IFT57: variants seen among roughly 807,000 people sequenced by gnomAD.
IFT57 encodes the protein intraflagellar transport 57.
A neutral mutation model predicts 56.8 loss-of-function variants in IFT57; 59 were observed. That is an observed-to-expected ratio of 1.04 (90% CI 0.84 to 1.29). The LOEUF (loss-of-function observed/expected upper bound fraction) is 1.29. IFT57 is among the 50% of genes most tolerant of loss of function. The pLI is 0.00. For missense variants in IFT57, 470 were observed against 522.1 expected (o/e 0.90, Z 0.97); for synonymous variants, 209 against 186.1 (o/e 1.12, Z -1.00).
intron 6 of IFT57, among the ~76,000 whole-genome samples, chr3:108,185,672 C>T (rs1477868077): frequency 6.7e-6 from 1 of 150,292 alleles, no homozygotes; most frequent in Admixed American, 6.7e-5. Flanking sequence ...GATTCTCCTG[C>T]CAGCACTAGG....
At chr3:108,170,033 G>A (rs1056072223) in intron 6 of IFT57, among the ~76,000 whole-genome samples, 8 of 151,938 alleles carry the variant, frequency 5.3e-5, no homozygotes, top group African/African-American at 1.7e-4. Context: ...CAAACCCATA[G>A]CCAATATCAT....
At chr3:108,221,918 A>T (rs2080408208) in intron 1 of IFT57, 193 bp downstream of exon 1, 1 of 1,164,172 alleles carries the variant, frequency 8.6e-7, no homozygotes, top group Non-Finnish European at 1.2e-6. Flanking sequence ...CTCTCTACAA[A>T]AATACCAAGT....
intron 6 of IFT57, among the ~76,000 whole-genome samples, chr3:108,184,560 GCACA>G (rs1014414326): frequency 3.3e-5 from 5 of 152,036 alleles, no homozygotes; most frequent in Non-Finnish European, 4.4e-5. Context: ...CAAAATTTAT[GCACA>G]CAAACACAGA....
chr3:108,219,551 G>A lies in IFT57; in HGVS notation c.234C>T (p.Thr78=). 6.2e-7 allele frequency: 1 copy of A among 1,613,916 alleles called. No individual in the cohort carries two copies. The highest frequency in any genetic ancestry group is 8.5e-7 in the Non-Finnish European group (1 of 1,179,844). ...ACATGTAGAACTGTTCGCCAGGGTT[G>A]GTAGGCAGTGCAAAATAGTGTCTGT... ...APSRHYFALP[T]NPGEQFYMFC... is the part of the protein sequence containing the mutation. The change falls in exon 2 of 11, where the codon ACC becomes ACT. Residue 78 remains threonine, a synonymous_variant. Transcript: ENST00000264538.
At position 108,161,890 on chromosome 3, in the gene IFT57, T is replaced by C. The variant is rs1231655607; in HGVS notation, c.*587A>G. 1 of 152,208 alleles carries C rather than the reference T, an allele frequency of 6.6e-6. No homozygotes were observed. Among genetic ancestry groups the C allele is most frequent in the Non-Finnish European group, 1.5e-5 (1 of 68,040 alleles). The allele number at this position is 152,208 out of a possible 1,614,324, so 9.4% of individuals were successfully genotyped here. ...TCCTTTTATTTAGTGGCTTAGATCC[T>C]AGAAGATAGATTCCCTATAAAATCA... On this transcript the variant is annotated 3_prime_UTR_variant, in exon 11 of 11. Coordinates refer to ENST00000264538, the MANE Select transcript of IFT57 (RefSeq NM_018010.4).
At chr3:108,164,050 T>G (rs1200804744) in intron 9 of IFT57, among the ~76,000 whole-genome samples, 1 of 152,054 alleles carries the variant, frequency 6.6e-6, no homozygotes, top group Non-Finnish European at 1.5e-5. Flanking sequence ...GCATATACTT[T>G]GAAATTCTCT....
chr3:108,168,806 C>T (rs2080076262), intron 6 of IFT57, among the ~76,000 whole-genome samples: 1 of 151,958 alleles, frequency 6.6e-6, no homozygotes, highest in Non-Finnish European at 1.5e-5. Context: ...CATCCATGTC[C>T]CTGCAAAGGA....
intron 5 of IFT57, among the ~76,000 whole-genome samples, chr3:108,197,128 T>C (rs1031796123): frequency 1.2e-4 from 19 of 152,198 alleles, no homozygotes; most frequent in African/African-American, 4.6e-4. Context: ...AATTCCATTT[T>C]CCAGTTACTG....
intron 6 of IFT57, among the ~76,000 whole-genome samples, chr3:108,170,925 G>C (rs537574406): frequency 6.6e-6 from 1 of 151,984 alleles, no homozygotes; most frequent in African/African-American, 2.4e-5. Context: ...TTAATACAAA[G>C]TAATAATTTT....
chr3:108,166,766 C>A, intron 8 of IFT57, 88 bp downstream of exon 8: 1 of 1,108,632 alleles, frequency 9.0e-7, no homozygotes, highest in Non-Finnish European at 1.2e-6. Flanking sequence ...AAAAGCATTT[C>A]ATGATTCTCA....
intron 5 of IFT57, among the ~76,000 whole-genome samples, chr3:108,194,622 G>C (rs991092997): frequency 2.0e-5 from 3 of 152,098 alleles, no homozygotes; most frequent in Non-Finnish European, 4.4e-5. Context: ...AAACAGCATG[G>C]TTCTGGCATA....
At position 108,194,741 on chromosome 3, in the gene IFT57, AGGACAG is replaced by A. The variant is rs2080234417; in HGVS notation, c.655-3104_655-3099del. Among the ~76,000 whole-genome samples, 3 of 152,218 alleles carry A rather than the reference AGGACAG, an allele frequency of 2.0e-5. No individual in the cohort carries two copies. The South Asian group carries it at 6.2e-4, about 31-fold the overall frequency. On this transcript the variant is annotated intron_variant, in intron 5 of 10. Coordinates refer to ENST00000264538, the MANE Select transcript of IFT57 (RefSeq NM_018010.4). ...AACACCAAGAACATACATTGTGGAA[AGGACAG>A]TCTCTTCAATACATGGTGCTGGAAA... is the stretch of plus-strand genomic sequence containing the variant.
chr3:108,162,620 G>A lies in IFT57; in HGVS notation c.1147C>T (p.Leu383=). ...LVKIKQSLTK[L]KQETVEMDIR... is the part of the protein sequence containing the mutation. ...TCCATCTCTACAGTTTCTTGCTTCA[G>A]TTTTGTTAAGCTCTGTTTAATCTTC... The change falls in exon 11 of 11, where the codon CTG becomes TTG. Residue 383 remains leucine (L), a synonymous_variant. Transcript: ENST00000264538. The A allele has an allele frequency of 6.2e-7, 1 of 1,610,604 alleles. No homozygotes were observed. Among genetic ancestry groups the A allele is most frequent in the South Asian group, 1.1e-5 (1 of 90,476 alleles).
chr3:108,220,978 CATT>C (rs1349886748), intron 1 of IFT57, among the ~76,000 whole-genome samples: 4 of 152,188 alleles, frequency 2.6e-5, no homozygotes, highest in South Asian at 2.1e-4. Context: ...GAAAAAAATG[CATT>C]TTTATTAACA....
intron 10 of IFT57, among the ~76,000 whole-genome samples, chr3:108,163,319 T>C (rs2080044399): frequency 1.3e-5 from 2 of 152,126 alleles, no homozygotes; most frequent in Admixed American, 6.6e-5. Context: ...CTTAGTGCCC[T>C]TTTGTATATA....
In IFT57 at chr3:108,218,601, T is replaced by C. The variant is rs1257124650; in HGVS notation, c.428A>G (p.His143Arg). Residue 143 changes from histidine (H) to arginine (R), a missense_variant, in exon 3 of 11, where the codon CAT (histidine) becomes CGT (arginine). Coordinates refer to ENST00000264538, the MANE Select transcript of IFT57 (RefSeq NM_018010.4). ...PSKLKSGYGE[H>R]VCYVLDCFAE... Reference sequence around the variant, plus strand: ...GAAGCAATCAAGAACATAGCATACATGTTCTCCATAACCTGACTTTAATTT... The same window carrying C: ...GAAGCAATCAAGAACATAGCATACACGTTCTCCATAACCTGACTTTAATTT... The C allele has an allele frequency of 6.4e-7, 1 of 1,573,114 alleles. No homozygotes were observed. Among genetic ancestry groups the C allele is most frequent in the African/African-American group, 1.4e-5 (1 of 72,558 alleles).
chr3:108,175,972 C>A (rs116283297), intron 6 of IFT57, among the ~76,000 whole-genome samples: 2,025 of 151,824 alleles, frequency 0.013, 53 homozygotes, highest in African/African-American at 0.047. Context: ...GAGGTCTATT[C>A]GCACTTTTTG....
At chr3:108,191,188 A>C (rs2080213224) in intron 6 of IFT57, among the ~76,000 whole-genome samples, 1 of 152,186 alleles carries the variant, frequency 6.6e-6, no homozygotes, top group Non-Finnish European at 1.5e-5. Context: ...AAACCATCTT[A>C]TAACTCTAAT....
At chr3:108,192,955 G>T (rs926839946) in intron 5 of IFT57, among the ~76,000 whole-genome samples, 2 of 151,858 alleles carry the variant, frequency 1.3e-5, no homozygotes, top group Admixed American at 1.3e-4. Context: ...AAAGGGAGGC[G>T]GCTTTAAATA....
Sources: allele counts gnomAD v4.1 joint callset (sites outside exome capture counted in the v4.1 genomes callset), GRCh38; gene constraint gnomAD v4.1.1; transcripts MANE v1.5; gene names NCBI Gene and HGNC (gene_info 2026-07-23, HGNC 2026-07-21).